The following MGAM2 variants were observed in gnomAD, a reference collection of about 807,000 sequenced individuals.
The protein encoded by MGAM2 is probable maltase-glucoamylase 2.
MGAM2 carries 98 observed loss-of-function variants against 96.1 expected under a neutral mutation model. The observed-to-expected ratio is 1.02, with a 90% CI of 0.87 to 1.21. The LOEUF (loss-of-function observed/expected upper bound fraction) is 1.21. Ranked by LOEUF, MGAM2 falls within the 50% of genes most tolerant of loss-of-function variation. The probability of loss-of-function intolerance (pLI) is 0.00; values close to 1 mark genes in which losing one functional copy is unlikely to be tolerated. For missense variants in MGAM2, 2,055 were observed against 1,182.4 expected (o/e 1.74, Z -10.82); for synonymous variants, 749 against 414.8 (o/e 1.81, Z -9.79).
intron 36 of MGAM2, among the ~76,000 whole-genome samples, chr7:142,188,872 C>T (rs978716455): frequency 4.6e-5 from 7 of 152,134 alleles, no homozygotes; most frequent in Admixed American, 1.3e-4. Flanking sequence ...TAGGTCCATT[C>T]AATGCATTTT....
chr7:142,217,042 A>G (rs1481983836), intron 46 of MGAM2, among the ~76,000 whole-genome samples: 1 of 152,158 alleles, frequency 6.6e-6, no homozygotes, highest in Non-Finnish European at 1.5e-5. Context: ...TCCCATGCTT[A>G]CCAGGAGTTC....
chr7:142,198,009 A>G (rs1337379614), intron 42 of MGAM2, 130 bp from the exon 43 acceptor site: 1 of 591,558 alleles, frequency 1.7e-6, no homozygotes, highest in Non-Finnish European at 3.0e-6. Flanking sequence ...TTTTCTTAAT[A>G]AAATCCCTCA....
chr7:142,131,500 A>C lies in MGAM2; in HGVS notation c.311-18A>C. The C allele has an allele frequency of 1.4e-6, 1 of 701,242 alleles. No homozygotes were observed. Among genetic ancestry groups the C allele is most frequent in the Non-Finnish European group, 2.6e-6 (1 of 384,432 alleles). 43.4% of individuals were successfully genotyped at this position (701,242 alleles called of 1,614,324 possible). ...AGTTAGTCTCCTTTTCTCTCTCTCC[A>C]TATCTTGCCACCCCTAGGATTTACT... On this transcript the variant is annotated intron_variant, in intron 4 of 47. Coordinates refer to ENST00000477922, the MANE Select transcript of MGAM2 (RefSeq NM_001293626.2).
rs58228482 is a variant in MGAM2 at position 142,190,267 on chromosome 7, CTTTTTT to C, written c.4346+781_4346+786del. Among the ~76,000 whole-genome samples, 25 of 104,238 alleles carry C rather than the reference CTTTTTT, an allele frequency of 2.4e-4. No homozygotes were observed. In the South Asian group the frequency reaches 3.4e-3, roughly 14 times the overall value. 68.4% of individuals were successfully genotyped at this position (104,238 alleles called of 152,430 possible). A position where few individuals can be genotyped will look rare whatever the true frequency, so the allele number is the denominator to read the frequency against. On this transcript the variant is annotated intron_variant, in intron 37 of 47. Transcript: ENST00000477922. ...TTTCTAAAAAGGCTGTACCATTTTA[CTTTTTT>C]TTTTTTTTTTTTTTTTTTGATGGAG...
In MGAM2 at chr7:142,141,040, A is replaced by G. The variant is rs767561489; in HGVS notation, c.1238A>G (p.Asn413Ser). 2.9e-6 allele frequency: 2 copies of G among 698,720 alleles called. No individual in the cohort carries two copies. Among genetic ancestry groups the G allele is most frequent in the Non-Finnish European group, 5.2e-6 (2 of 383,894 alleles). The allele number at this position is 698,720 out of a possible 1,614,324, so 43.3% of individuals were successfully genotyped here. Reference sequence around the variant, plus strand: ...TATTAGAATCCTGGCATCTCCAAAAACTCTAACTACGAGCCCTATAATAAT... The same window carrying G: ...TATTAGAATCCTGGCATCTCCAAAAGCTCTAACTACGAGCCCTATAATAAT... ...LIIMNPGISK[N>S]SNYEPYNNGS... is the part of the protein sequence containing the mutation. Residue 413 changes from asparagine (N) to serine (S), a missense_variant, in exon 12 of 48, where the codon AAC becomes AGC. Asn to Ser is a conservative substitution (Grantham distance 46, BLOSUM62 1). Coordinates refer to ENST00000477922, the MANE Select transcript of MGAM2 (RefSeq NM_001293626.2).
intron 19 of MGAM2, 25 bp from the exon 20 acceptor site, chr7:142,159,262 C>T (rs773074697): frequency 6.8e-5 from 48 of 701,188 alleles, no homozygotes; most frequent in Admixed American, 3.4e-4. Context: ...TATGCTAATG[C>T]TACTCATTAT....
At chr7:142,114,912 G>T (rs541010793) in intron 1 of MGAM2, among the ~76,000 whole-genome samples, 4 of 152,098 alleles carry the variant, frequency 2.6e-5, no homozygotes, top group Non-Finnish European at 4.4e-5. Context: ...TGAAAAGAAG[G>T]ATAGAAGGAA....
At chr7:142,196,061 G>A (rs754125853) in intron 37 of MGAM2, 93 bp from the exon 38 acceptor site, 56 of 704,162 alleles carry the variant, frequency 8.0e-5, no homozygotes, top group South Asian at 6.8e-4. Context: ...GACTCGGACC[G>A]AAGTACCCTC....
At chr7:142,174,715 C>CTTTTT (rs34480300) in intron 31 of MGAM2, among the ~76,000 whole-genome samples, 925 of 85,360 alleles carry the variant, frequency 0.011, 117 homozygotes, top group African/African-American at 0.019. Context: ...CTCTCTCTCT[C>CTTTTT]TTTTTTTTTT....
In MGAM2 at chr7:142,161,936, A is replaced by G. The variant is rs568985806; in HGVS notation, c.2435-19A>G. On this transcript the variant is annotated intron_variant, in intron 22 of 47. Coordinates refer to ENST00000477922, the MANE Select transcript of MGAM2 (RefSeq NM_001293626.2). ...TGATTGGCTTCCCATAGTAACCGGT[A>G]CTCCTCTTTCTTTTTTAGATGCTGT... The G allele has an allele frequency of 3.8e-5, 26 of 686,600 alleles. No individual in the cohort carries two copies. The highest frequency in any genetic ancestry group is 3.7e-4 in the African/African-American group (21 of 56,340). 42.5% of individuals were successfully genotyped at this position (686,600 alleles called of 1,614,324 possible).
chr7:142,127,832 C>T (rs1338549737), intron 3 of MGAM2, among the ~76,000 whole-genome samples: 1 of 152,198 alleles, frequency 6.6e-6, no homozygotes, highest in African/African-American at 2.4e-5. Flanking sequence ...ATAAATTACA[C>T]AGTCTTGGGT....
At chr7:142,175,325 A>C (rs1269622513) in intron 31 of MGAM2, among the ~76,000 whole-genome samples, 1 of 152,194 alleles carries the variant, frequency 6.6e-6, no homozygotes, top group Non-Finnish European at 1.5e-5. Flanking sequence ...ACCCTTGAAC[A>C]TTTCAATTAG....
intron 44 of MGAM2, among the ~76,000 whole-genome samples, chr7:142,199,447 C>T (rs1196837385): frequency 6.7e-6 from 1 of 148,950 alleles, no homozygotes; most frequent in South Asian, 2.1e-4. Flanking sequence ...CATAAACCAT[C>T]CAGTTTAACT....
chr7:142,115,045 A>C (rs1014670451), intron 1 of MGAM2, among the ~76,000 whole-genome samples: 5 of 151,936 alleles, frequency 3.3e-5, no homozygotes, highest in Non-Finnish European at 7.4e-5. Context: ...GTGAAATCCT[A>C]TCTCTACTAA....
intron 23 of MGAM2, 48 bp downstream of exon 23, chr7:142,162,052 AGGCTCTTTGAGTTTTTAGTTT>A: frequency 1.5e-6 from 1 of 651,446 alleles, no homozygotes. Context: ...CTTGCTGGGA[AGGCTCTTTGAGTTTTTAGTTT>A]AATATAGACA....
At chr7:142,166,307 G>A (rs1796025532) in intron 25 of MGAM2, 54 bp downstream of exon 25, 1 of 640,538 alleles carries the variant, frequency 1.6e-6, no homozygotes, top group East Asian at 2.8e-5. Context: ...TAGGCACCTA[G>A]AAAACACTTT....
At chr7:142,209,971 C>T (rs1482419657) in intron 46 of MGAM2, among the ~76,000 whole-genome samples, 1 of 152,174 alleles carries the variant, frequency 6.6e-6, no homozygotes, top group Non-Finnish European at 1.5e-5. Context: ...GAGATCAATG[C>T]AGAAGGCAGG....
Position 142,183,368 on chromosome 7 carries a change from G to T in MGAM2, c.3919G>T (p.Gly1307Ter). Residue 1307 changes from glycine to a stop codon, truncating the protein, a stop_gained, in exon 33 of 48, where the codon GGA (glycine) becomes TGA (stop). Transcript: ENST00000477922. LOFTEE classifies it high-confidence loss of function. ...GCCTGACACCAATGACATTGTCTGG[G>T]GAAAGGTAAGGCTTGGGGAAGATGC... ...KWPDTNDIVW[G>*]KVWPDLPNVI... is the part of the protein sequence containing the mutation. 2 of 702,744 alleles carry T rather than the reference G, an allele frequency of 2.8e-6. No individual in the cohort carries two copies. The highest frequency in any genetic ancestry group is 3.0e-5 in the South Asian group (2 of 67,546). The allele number at this position is 702,744 out of a possible 1,614,324, so 43.5% of individuals were successfully genotyped here. A position where few individuals can be genotyped will look rare whatever the true frequency, so the allele number is the denominator to read the frequency against.
At chr7:142,181,742 G>T (rs531875693) in intron 32 of MGAM2, among the ~76,000 whole-genome samples, 1 of 152,192 alleles carries the variant, frequency 6.6e-6, no homozygotes, top group Non-Finnish European at 1.5e-5. Context: ...ATGTCTGGGG[G>T]TGATCTGTTG....
Sources: gnomAD v4.1 joint callset for allele counts (sites outside exome capture counted in the v4.1 genomes callset) on GRCh38, gnomAD v4.1.1 for gene constraint, MANE v1.5 for transcripts, NCBI Gene and HGNC (gene_info 2026-07-23, HGNC 2026-07-21) for gene names.